Variants in ACYP2 observed in about 807,000 individuals in gnomAD.
ACYP2 encodes acylphosphatase-2.
In ACYP2, 12 loss-of-function variants were observed where a neutral mutation model predicts 11.2. That is an observed-to-expected ratio of 1.08 (90% CI 0.69 to 1.74). The LOEUF is 1.74. Among genes scored for constraint, ACYP2 ranks in the 40% most tolerant of loss-of-function variants. ACYP2 has a pLI of 0.00. For synonymous variants in ACYP2, 43 were observed against 32.2 expected (o/e 1.33, Z -1.13); for missense variants, 134 against 101.9 (o/e 1.31, Z -1.35).
At chr2:54,196,970 C>T (rs1261208667) in intron 6 of ACYP2, among the ~76,000 whole-genome samples, 1 of 152,202 alleles carries the variant, frequency 6.6e-6, no homozygotes, top group East Asian at 1.9e-4. Context: ...GTCCACGTGT[C>T]ACCTCATTTA....
intron 6 of ACYP2, among the ~76,000 whole-genome samples, chr2:54,209,648 A>T (rs1685242024): frequency 6.6e-6 from 1 of 152,158 alleles, no homozygotes; most frequent in Non-Finnish European, 1.5e-5. Context: ...TCTCTTCAGA[A>T]ACTGACAGTT....
chr2:54,097,151 A>G (rs1054287383), intron 4 of ACYP2, among the ~76,000 whole-genome samples: 4 of 152,190 alleles, frequency 2.6e-5, no homozygotes, highest in Non-Finnish European at 5.9e-5. Context: ...ACCTTTTTCA[A>G]TGAGCTCTTC....
chr2:54,002,717 T>A (rs1672861660), intron 2 of ACYP2, among the ~76,000 whole-genome samples: 1 of 151,186 alleles, frequency 6.6e-6, no homozygotes. Context: ...AATGGTGCGA[T>A]TTCGGCTCAC....
intron 6 of ACYP2, among the ~76,000 whole-genome samples, chr2:54,264,478 G>C (rs1225878968): frequency 2.6e-5 from 4 of 152,272 alleles, no homozygotes; most frequent in East Asian, 3.9e-4. Flanking sequence ...TCACCTCTCA[G>C]ATCCTGCTCA....
intron 6 of ACYP2, among the ~76,000 whole-genome samples, chr2:54,251,440 A>G (rs951135706): frequency 4.6e-5 from 7 of 152,178 alleles, no homozygotes; most frequent in African/African-American, 1.2e-4. Flanking sequence ...CATACAGAGA[A>G]GTATGTTTTC....
In ACYP2 at chr2:53,971,161, C is replaced by T. The variant is rs1192602994; in HGVS notation, c.-197C>T. 4 of 192,666 alleles carry T rather than the reference C, an allele frequency of 2.1e-5. No individual in the cohort carries two copies. The highest frequency in any genetic ancestry group is 4.7e-5 in the African/African-American group (2 of 42,884). 11.9% of individuals were successfully genotyped at this position (192,666 alleles called of 1,614,324 possible). ...GGGCTGCGCCTTCTTCGCCGTGGGC[C>T]CGGCTCGGAGCCCCCACCCCAGGCC... On this transcript the variant is annotated 5_prime_UTR_variant, in exon 1 of 7. Coordinates refer to ENST00000607452, the MANE Select transcript of ACYP2 (RefSeq NM_001320586.2).
intron 6 of ACYP2, among the ~76,000 whole-genome samples, chr2:54,147,747 A>G (rs1681961632): frequency 6.6e-6 from 1 of 151,398 alleles, no homozygotes; most frequent in African/African-American, 2.4e-5. Context: ...CTGGTCTTCA[A>G]CTCCTGGCCT....
At chr2:54,297,562 C>T (rs1689570451) in intron 6 of ACYP2, among the ~76,000 whole-genome samples, 1 of 151,960 alleles carries the variant, frequency 6.6e-6, no homozygotes, top group Non-Finnish European at 1.5e-5. Context: ...AATGGACTAA[C>T]AGAATGAATT....
chr2:54,267,452 C>T, intron 6 of ACYP2: 2 of 1,261,656 alleles, frequency 1.6e-6, no homozygotes, highest in Non-Finnish European at 2.1e-6. Flanking sequence ...GAATTGGGAG[C>T]TGGGGGAAGA....
intron 4 of ACYP2, among the ~76,000 whole-genome samples, chr2:54,064,068 T>G (rs1428883442): frequency 6.6e-6 from 1 of 152,156 alleles, no homozygotes; most frequent in African/African-American, 2.4e-5. Flanking sequence ...TTGTTAGTCT[T>G]GAACTTGGGC....
intron 6 of ACYP2, among the ~76,000 whole-genome samples, chr2:54,141,064 G>T (rs1032533694): frequency 6.6e-6 from 1 of 152,066 alleles, no homozygotes; most frequent in Non-Finnish European, 1.5e-5. Flanking sequence ...TAGTAAGTTG[G>T]AGCATCTTTA....
chr2:54,238,102 C>T (rs936570458), intron 6 of ACYP2, among the ~76,000 whole-genome samples: 1 of 152,298 alleles, frequency 6.6e-6, no homozygotes, highest in Admixed American at 6.5e-5. Flanking sequence ...TCAAATGTGG[C>T]CTTATCAGAG....
At chr2:54,080,827 TG>T (rs1677607866) in intron 4 of ACYP2, among the ~76,000 whole-genome samples, 1 of 152,124 alleles carries the variant, frequency 6.6e-6, no homozygotes, top group South Asian at 2.1e-4. Context: ...GGTCTCACTC[TG>T]TTGCCCAGGC....
chr2:54,165,088 A>AC (rs1553383568), intron 6 of ACYP2, among the ~76,000 whole-genome samples: 1 of 151,266 alleles, frequency 6.6e-6, no homozygotes, highest in Non-Finnish European at 1.5e-5. Flanking sequence ...TATGTGCTAT[A>AC]TTTTTTTTTA....
At chr2:53,981,018 C>A (rs1283053754) in intron 2 of ACYP2, among the ~76,000 whole-genome samples, 1 of 152,174 alleles carries the variant, frequency 6.6e-6, no homozygotes, top group Non-Finnish European at 1.5e-5. Context: ...TCATAAAATG[C>A]TTGGATTACA....
chr2:53,983,687 G>A lies in ACYP2; in HGVS notation c.62+9877G>A, dbSNP rs549278304. Among the ~76,000 whole-genome samples, 27 of 152,216 alleles carry A rather than the reference G, an allele frequency of 1.8e-4. No homozygotes were observed. The South Asian group carries it at 1.9e-3, about 11-fold the overall frequency. On this transcript the variant is annotated intron_variant, in intron 2 of 6. Coordinates refer to ENST00000607452, the MANE Select transcript of ACYP2 (RefSeq NM_001320586.2). ...GGGTTAAGAATTTTGGATTTTTTCC[G>A]AAAAGCTGCTTCAGATATATCAATA...
At chr2:54,106,029 G>A (rs934879058) in intron 4 of ACYP2, among the ~76,000 whole-genome samples, 2 of 151,888 alleles carry the variant, frequency 1.3e-5, no homozygotes, top group African/African-American at 4.8e-5. Context: ...ACTTAGTTCT[G>A]TACCTGTAAA....
intron 2 of ACYP2, among the ~76,000 whole-genome samples, chr2:54,031,446 A>G (rs1674581847): frequency 1.3e-5 from 2 of 152,196 alleles, no homozygotes; most frequent in Admixed American, 1.3e-4. Flanking sequence ...CCCTACAAAG[A>G]ACATGAACTC....
intron 4 of ACYP2, among the ~76,000 whole-genome samples, chr2:54,088,428 T>G (rs1678053748): frequency 6.6e-6 from 1 of 152,180 alleles, no homozygotes; most frequent in Non-Finnish European, 1.5e-5. Context: ...AAGGAGCCCG[T>G]ACGTTATTCA....
Sources: gnomAD v4.1 joint callset for allele counts (sites outside exome capture counted in the v4.1 genomes callset) on GRCh38, gnomAD v4.1.1 for gene constraint, MANE v1.5 for transcripts, NCBI Gene and HGNC (gene_info 2026-07-23, HGNC 2026-07-21) for gene names.